KCNIP1: variants seen among roughly 807,000 people sequenced by gnomAD.
The protein encoded by KCNIP1 is potassium voltage-gated channel interacting protein 1.
In KCNIP1, 18 loss-of-function variants were observed where a neutral mutation model predicts 33.0. The ratio of observed to expected loss-of-function variants is 0.55; its 90% CI spans 0.38 to 0.81. The LOEUF (loss-of-function observed/expected upper bound fraction) is 0.81. KCNIP1 is among the 30% of genes least tolerant of loss of function. The pLI is 0.00. For missense variants in KCNIP1, 238 were observed against 271.6 expected (o/e 0.88, Z 0.87); for synonymous variants, 93 against 98.3 (o/e 0.95, Z 0.32).
intron 1 of KCNIP1, among the ~76,000 whole-genome samples, chr5:170,686,594 G>A (rs1258048428): frequency 6.6e-6 from 1 of 152,208 alleles, no homozygotes; most frequent in African/African-American, 2.4e-5. Flanking sequence ...TTACACTTGA[G>A]TTGTGGCCAA....
At chr5:170,718,604 T>C (rs1335100217) in intron 1 of KCNIP1, among the ~76,000 whole-genome samples, 154 bp from the exon 2 acceptor site, 1 of 151,966 alleles carries the variant, frequency 6.6e-6, no homozygotes, top group African/African-American at 2.4e-5. Flanking sequence ...GGCAGGGAAG[T>C]GGGGTTCAAG....
At chr5:170,544,282 G>A (rs1426083916) in intron 1 of KCNIP1, among the ~76,000 whole-genome samples, 2 of 151,956 alleles carry the variant, frequency 1.3e-5, no homozygotes, top group Admixed American at 6.6e-5. Context: ...TAAAATAACT[G>A]ACAAGAATTT....
At chr5:170,658,550 A>G (rs1457047422) in intron 1 of KCNIP1, among the ~76,000 whole-genome samples, 1 of 152,310 alleles carries the variant, frequency 6.6e-6, no homozygotes, top group East Asian at 1.9e-4. Flanking sequence ...CGCTTTTCCT[A>G]GAGATGGCAG....
chr5:170,479,351 C>A (rs1756924452), intron 1 of KCNIP1, among the ~76,000 whole-genome samples: 1 of 152,170 alleles, frequency 6.6e-6, no homozygotes, highest in African/African-American at 2.4e-5. Flanking sequence ...GTTATCAGTT[C>A]CCTCTTTACA....
intron 1 of KCNIP1, among the ~76,000 whole-genome samples, chr5:170,384,892 T>C (rs1442055103): frequency 6.6e-6 from 1 of 152,174 alleles, no homozygotes; most frequent in Non-Finnish European, 1.5e-5. Flanking sequence ...GCTCCCCGTC[T>C]CTTGAGGTAT....
At chr5:170,487,301 C>T (rs574922089) in intron 1 of KCNIP1, among the ~76,000 whole-genome samples, 133 of 152,244 alleles carry the variant, frequency 8.7e-4, no homozygotes, top group African/African-American at 2.9e-3. Flanking sequence ...TTCAAAGACT[C>T]CTGCTTTAAA....
At chr5:170,700,438 A>G (rs964508331) in intron 1 of KCNIP1, among the ~76,000 whole-genome samples, 1 of 152,248 alleles carries the variant, frequency 6.6e-6, no homozygotes, top group Non-Finnish European at 1.5e-5. Flanking sequence ...GCATTGTGGC[A>G]TCTGCCCGTG....
At chr5:170,461,758 A>T (rs1033630620) in intron 1 of KCNIP1, among the ~76,000 whole-genome samples, 9 of 152,152 alleles carry the variant, frequency 5.9e-5, no homozygotes, top group Non-Finnish European at 1.0e-4. Context: ...TCAAAAAAAA[A>T]AAAAGGCAAA....
chr5:170,468,235 GAGA>G (rs1325779435), intron 1 of KCNIP1, among the ~76,000 whole-genome samples: 3 of 152,142 alleles, frequency 2.0e-5, no homozygotes, highest in East Asian at 1.9e-4. Context: ...TTAAATATCT[GAGA>G]AGGTTTGTTA....
At chr5:170,683,745 A>T (rs1187409419) in intron 1 of KCNIP1, among the ~76,000 whole-genome samples, 12 of 149,056 alleles carry the variant, frequency 8.1e-5, no homozygotes, top group Non-Finnish European at 1.0e-4. Context: ...TTTCTTCGAG[A>T]CTAAATCTCA....
intron 1 of KCNIP1, among the ~76,000 whole-genome samples, chr5:170,667,771 C>A (rs1027726568): frequency 1.2e-4 from 18 of 152,220 alleles, no homozygotes; most frequent in Non-Finnish European, 2.4e-4. Flanking sequence ...AATAAGTTCA[C>A]AAATGGAAGA....
intron 1 of KCNIP1, among the ~76,000 whole-genome samples, chr5:170,519,664 C>T (rs570613381): frequency 1.3e-5 from 2 of 152,264 alleles, no homozygotes; most frequent in East Asian, 1.9e-4. Context: ...TGGATTAGAG[C>T]TGCCTGCAGC....
At chr5:170,371,363 A>C (rs762365595) in intron 1 of KCNIP1, among the ~76,000 whole-genome samples, 1 of 152,136 alleles carries the variant, frequency 6.6e-6, no homozygotes, top group Non-Finnish European at 1.5e-5. Context: ...CCAGGGAGTC[A>C]ATTGAGAGCC....
intron 1 of KCNIP1, among the ~76,000 whole-genome samples, chr5:170,555,316 G>T (rs1023240980): frequency 1.3e-5 from 2 of 152,168 alleles, no homozygotes; most frequent in East Asian, 3.9e-4. Context: ...GAAGGAATGA[G>T]GTGGGCACCA....
intron 1 of KCNIP1, among the ~76,000 whole-genome samples, chr5:170,436,980 T>A (rs1755880591): frequency 6.6e-6 from 1 of 152,210 alleles, no homozygotes; most frequent in Non-Finnish European, 1.5e-5. Flanking sequence ...ATTTAAGTTT[T>A]GTGTGACATG....
chr5:170,479,785 G>C (rs1461298554), intron 1 of KCNIP1, among the ~76,000 whole-genome samples: 2 of 152,204 alleles, frequency 1.3e-5, no homozygotes, highest in Non-Finnish European at 2.9e-5. Flanking sequence ...GCACTGATTA[G>C]TGTTCCTGAT....
At chr5:170,559,721 G>T (rs1169097390) in intron 1 of KCNIP1, among the ~76,000 whole-genome samples, 1 of 152,142 alleles carries the variant, frequency 6.6e-6, no homozygotes, top group African/African-American at 2.4e-5. Flanking sequence ...TCTTGGCCAG[G>T]CTCTGAGAGG....
chr5:170,546,618 C>A (rs1756417574), intron 1 of KCNIP1, among the ~76,000 whole-genome samples: 1 of 152,170 alleles, frequency 6.6e-6, no homozygotes, highest in African/African-American at 2.4e-5. Context: ...ACAGAGGACC[C>A]ACTTTGTCCT....
intron 1 of KCNIP1, among the ~76,000 whole-genome samples, chr5:170,650,559 A>G (rs1761002639): frequency 6.6e-6 from 1 of 152,232 alleles, no homozygotes; most frequent in Non-Finnish European, 1.5e-5. Flanking sequence ...ATACCACAGT[A>G]GGCTTATTCA....
Sources: allele counts gnomAD v4.1 joint callset (sites outside exome capture counted in the v4.1 genomes callset), GRCh38; gene constraint gnomAD v4.1.1; transcripts MANE v1.5; gene names NCBI Gene and HGNC (gene_info 2026-07-23, HGNC 2026-07-21).